The following PPM1L variants were observed in gnomAD, a reference collection of about 807,000 sequenced individuals.
PPM1L encodes protein phosphatase 1L.
In PPM1L, 13 loss-of-function variants were observed where a neutral mutation model predicts 31.4. That is an observed-to-expected ratio of 0.41 (90% CI 0.27 to 0.66). The LOEUF (loss-of-function observed/expected upper bound fraction) is 0.66, where lower values mean the gene tolerates loss of function less well. Ranked by LOEUF, PPM1L falls within the 30% of genes least tolerant of loss-of-function variation. The probability of loss-of-function intolerance (pLI) is 0.29; values close to 1 mark genes in which losing one functional copy is unlikely to be tolerated. For missense variants in PPM1L, 326 were observed against 453.7 expected, an observed-to-expected ratio of 0.72 and a Z score of 2.56; for synonymous variants, 184 against 175.4, an observed-to-expected ratio of 1.05 and a Z score of -0.39.
chr3:160,966,876 C>T (rs918784727), intron 2 of PPM1L, among the ~76,000 whole-genome samples: 1 of 151,838 alleles, frequency 6.6e-6, no homozygotes, highest in African/African-American at 2.4e-5. Context: ...TGACTTGATT[C>T]ACAGAGAAAA....
At chr3:160,986,113 A>G (rs1716956402) in intron 2 of PPM1L, among the ~76,000 whole-genome samples, 1 of 152,216 alleles carries the variant, frequency 6.6e-6, no homozygotes, top group Non-Finnish European at 1.5e-5. Context: ...GTCTTCTTTC[A>G]CATCTCAACG....
intron 2 of PPM1L, among the ~76,000 whole-genome samples, chr3:161,011,503 CT>C (rs1559923788): frequency 6.6e-6 from 1 of 151,976 alleles, no homozygotes; most frequent in African/African-American, 2.4e-5. Context: ...AATGTGGGCT[CT>C]TTTTTGGTTC....
At chr3:160,814,743 G>T (rs1192544436) in intron 1 of PPM1L, among the ~76,000 whole-genome samples, 2 of 146,002 alleles carry the variant, frequency 1.4e-5, no homozygotes, top group Non-Finnish European at 1.5e-5. Context: ...ATGTATATAT[G>T]TGTATATATA....
At chr3:161,050,315 A>C (rs567519810) in intron 2 of PPM1L, among the ~76,000 whole-genome samples, 1 of 152,350 alleles carries the variant, frequency 6.6e-6, no homozygotes, top group South Asian at 2.1e-4. Flanking sequence ...AGACCATGAC[A>C]AAAGACCCTC....
At chr3:160,875,316 A>T in intron 1 of PPM1L, among the ~76,000 whole-genome samples, 1 of 152,234 alleles carries the variant, frequency 6.6e-6, no homozygotes, top group East Asian at 1.9e-4. Flanking sequence ...ATAACATTAC[A>T]GAGCTTTATT....
chr3:160,859,160 G>C (rs1711813123), intron 1 of PPM1L, among the ~76,000 whole-genome samples: 1 of 152,178 alleles, frequency 6.6e-6, no homozygotes, highest in Non-Finnish European at 1.5e-5. Flanking sequence ...GAGGTAACTA[G>C]AGATGGAGCC....
chr3:160,974,161 G>A (rs1716466446), intron 2 of PPM1L, among the ~76,000 whole-genome samples: 1 of 151,236 alleles, frequency 6.6e-6, no homozygotes, highest in Admixed American at 6.6e-5. Context: ...TGAGAATGAT[G>A]ATTTCCAATT....
At chr3:160,929,550 C>T (rs1051632993) in intron 1 of PPM1L, among the ~76,000 whole-genome samples, 8 of 152,200 alleles carry the variant, frequency 5.3e-5, no homozygotes, top group African/African-American at 1.7e-4. Flanking sequence ...TGGCTTCATG[C>T]TTCAGTGTCT....
chr3:160,944,110 AT>A (rs1028331400), intron 1 of PPM1L, among the ~76,000 whole-genome samples: 41 of 151,482 alleles, frequency 2.7e-4, no homozygotes, highest in African/African-American at 8.2e-4. Context: ...TCCACAGCAG[AT>A]TTTTTTTTCT....
intron 1 of PPM1L, among the ~76,000 whole-genome samples, chr3:160,956,767 C>A (rs894465791): frequency 6.6e-6 from 1 of 152,142 alleles, no homozygotes; most frequent in Non-Finnish European, 1.5e-5. Context: ...GTTCCATTTG[C>A]CAGTAGAAAA....
chr3:161,049,686 G>C (rs1559937256), intron 2 of PPM1L, among the ~76,000 whole-genome samples: 1 of 152,200 alleles, frequency 6.6e-6, no homozygotes. Flanking sequence ...AACTGGATAA[G>C]GTCAGGTATG....
intron 2 of PPM1L, among the ~76,000 whole-genome samples, chr3:160,985,048 A>G (rs930586909): frequency 6.6e-6 from 1 of 152,212 alleles, no homozygotes; most frequent in Non-Finnish European, 1.5e-5. Context: ...TCTTTAGAAC[A>G]ATAGTTTTCA....
At chr3:160,825,021 A>G (rs1363476117) in intron 1 of PPM1L, among the ~76,000 whole-genome samples, 1 of 152,134 alleles carries the variant, frequency 6.6e-6, no homozygotes, top group African/African-American at 2.4e-5. Context: ...AGACAGTGTC[A>G]TAAATATGAT....
chr3:160,837,341 G>C (rs1449959615), intron 1 of PPM1L, among the ~76,000 whole-genome samples: 2 of 152,148 alleles, frequency 1.3e-5, no homozygotes, highest in Non-Finnish European at 2.9e-5. Context: ...AAATGATACT[G>C]TTATAAGCTT....
At chr3:161,045,903 A>T (rs1366564898) in intron 2 of PPM1L, among the ~76,000 whole-genome samples, 3 of 151,836 alleles carry the variant, frequency 2.0e-5, no homozygotes, top group Non-Finnish European at 2.9e-5. Flanking sequence ...CGAGGTCAGG[A>T]GATCGAGACC....
intron 1 of PPM1L, among the ~76,000 whole-genome samples, chr3:160,923,296 G>A (rs767389110): frequency 2.0e-5 from 3 of 152,174 alleles, no homozygotes; most frequent in Non-Finnish European, 2.9e-5. Flanking sequence ...AATGAGTCAC[G>A]TGTTATAGAA....
intron 2 of PPM1L, among the ~76,000 whole-genome samples, chr3:161,048,794 G>A (rs112789129): frequency 0.022 from 3,348 of 151,866 alleles, 78 homozygotes; most frequent in South Asian, 0.041. Flanking sequence ...CATGGATGAA[G>A]CTGGAAACCA....
At chr3:160,820,308 T>C (rs1560116344) in intron 1 of PPM1L, among the ~76,000 whole-genome samples, 1 of 152,148 alleles carries the variant, frequency 6.6e-6, no homozygotes, top group Non-Finnish European at 1.5e-5. Flanking sequence ...TTTCAACATG[T>C]AGTGCTACAA....
intron 1 of PPM1L, among the ~76,000 whole-genome samples, chr3:160,861,707 T>C (rs2108022173): frequency 6.6e-6 from 1 of 152,298 alleles, no homozygotes; most frequent in East Asian, 1.9e-4. Context: ...AAGTTTGTTA[T>C]TATGGCTCTG....
Sources: allele counts gnomAD v4.1 joint callset (sites outside exome capture counted in the v4.1 genomes callset), GRCh38; gene constraint gnomAD v4.1.1; transcripts MANE v1.5; gene names NCBI Gene and HGNC (gene_info 2026-07-23, HGNC 2026-07-21).